TENM2: variants seen among roughly 807,000 people sequenced by gnomAD.
TENM2 encodes teneurin-2.
Under a neutral mutation model 245.2 loss-of-function variants are expected in TENM2, and 52 were observed. The ratio of observed to expected loss-of-function variants is 0.21; its 90% CI spans 0.17 to 0.27. The LOEUF (loss-of-function observed/expected upper bound fraction) is 0.27, where lower values mean the gene tolerates loss of function less well. TENM2 is among the 10% of genes least tolerant of loss of function. The pLI is 1.00. For synonymous variants in TENM2, 1,363 were observed against 1,438.9 expected (o/e 0.95, Z 1.19); for missense variants, 3,046 against 3,666.8 (o/e 0.83, Z 4.37).
chr5:167,578,826 A>G (rs932999056), intron 2 of TENM2, among the ~76,000 whole-genome samples: 1 of 152,116 alleles, frequency 6.6e-6, no homozygotes, highest in Non-Finnish European at 1.5e-5. Context: ...TGTGGAGACT[A>G]CTCTAACTAT....
the TENM2 span, among the ~76,000 whole-genome samples, chr5:167,264,093 G>A: frequency 7.2e-6 from 1 of 139,558 alleles, no homozygotes; most frequent in Non-Finnish European, 1.5e-5. Flanking sequence ...CAATAATAAC[G>A]AAACTCTGTC....
At chr5:167,354,909 G>A (rs1214323015) in intron 1 of TENM2, among the ~76,000 whole-genome samples, 2 of 152,156 alleles carry the variant, frequency 1.3e-5, no homozygotes, top group Non-Finnish European at 2.9e-5. Flanking sequence ...AGCCTCAGGG[G>A]ATTAAGGACA....
chr5:167,673,185 T>A (rs974283356), intron 2 of TENM2, among the ~76,000 whole-genome samples: 1 of 152,130 alleles, frequency 6.6e-6, no homozygotes, highest in Non-Finnish European at 1.5e-5. Context: ...TAAAGTAATT[T>A]AAATTATATT....
chr5:168,182,898 G>A (rs62383456), intron 13 of TENM2, among the ~76,000 whole-genome samples: 22,009 of 146,256 alleles, frequency 0.15, 2,106 homozygotes, highest in South Asian at 0.23. Context: ...TGATGCAATT[G>A]GGCCTCACTG....
chr5:167,880,968 G>A (rs1773829842), intron 3 of TENM2, among the ~76,000 whole-genome samples: 1 of 152,148 alleles, frequency 6.6e-6, no homozygotes, highest in African/African-American at 2.4e-5. Context: ...GATTCGTCCT[G>A]ACAGCCTCAT....
intron 17 of TENM2, among the ~76,000 whole-genome samples, chr5:168,201,323 TA>T (rs1291492378): frequency 6.6e-6 from 1 of 151,970 alleles, no homozygotes; most frequent in African/African-American, 2.4e-5. Context: ...TATATACAGA[TA>T]TATATATGTA....
chr5:167,140,439 T>C, the TENM2 span, among the ~76,000 whole-genome samples: 2 of 152,322 alleles, frequency 1.3e-5, no homozygotes, highest in Middle Eastern at 3.4e-3. Flanking sequence ...TGATTACTCT[T>C]ACTGGTTTGT....
intron 2 of TENM2, among the ~76,000 whole-genome samples, chr5:167,504,757 T>C (rs1405286601): frequency 6.6e-6 from 1 of 152,194 alleles, no homozygotes; most frequent in Non-Finnish European, 1.5e-5. Flanking sequence ...TGCTTTATTT[T>C]TCCTGTTACT....
At chr5:167,218,850 T>C in the TENM2 span, among the ~76,000 whole-genome samples, 10 of 152,206 alleles carry the variant, frequency 6.6e-5, no homozygotes, top group African/African-American at 2.4e-4. Flanking sequence ...TCTTCAATAC[T>C]CATTGTGGTC....
chr5:168,168,869 A>T (rs1449513084), intron 13 of TENM2, among the ~76,000 whole-genome samples: 2 of 152,116 alleles, frequency 1.3e-5, no homozygotes, highest in Non-Finnish European at 2.9e-5. Context: ...CCATCCATCC[A>T]TCCATTCATT....
chr5:167,505,677 A>G (rs1582232441), intron 2 of TENM2, among the ~76,000 whole-genome samples: 2 of 152,142 alleles, frequency 1.3e-5, no homozygotes, highest in Non-Finnish European at 2.9e-5. Flanking sequence ...AAAAATACCC[A>G]TTTACTAAGG....
the TENM2 span, among the ~76,000 whole-genome samples, chr5:167,273,399 A>G: frequency 1.3e-5 from 2 of 152,266 alleles, no homozygotes; most frequent in Admixed American, 1.3e-4. Flanking sequence ...TACTGCTTCA[A>G]GGCAATTTTA....
intron 2 of TENM2, among the ~76,000 whole-genome samples, chr5:167,595,554 C>A (rs1776145662): frequency 6.6e-6 from 1 of 152,180 alleles, no homozygotes; most frequent in Admixed American, 6.5e-5. Context: ...AAAATACTAG[C>A]CCTCAAGTAT....
the TENM2 span, among the ~76,000 whole-genome samples, chr5:167,112,189 T>G: frequency 6.6e-6 from 1 of 152,174 alleles, no homozygotes; most frequent in Non-Finnish European, 1.5e-5. Flanking sequence ...GATGAGCCAA[T>G]GTACCCAAAA....
exon 17 of TENM2, chr5:168,200,104 A>G (rs1761802084): frequency 6.2e-7 from 1 of 1,613,698 alleles, no homozygotes; most frequent in Non-Finnish European, 8.5e-7. Context: ...GTATGGCCAA[A>G]GGGTGTATGG....
chr5:167,012,432 A>T, the TENM2 span, among the ~76,000 whole-genome samples: 3 of 152,184 alleles, frequency 2.0e-5, no homozygotes, highest in Non-Finnish European at 4.4e-5. Context: ...AAGCAAGATA[A>T]TTTCAAATAG....
chr5:167,944,115 C>A (rs373792999), intron 3 of TENM2, among the ~76,000 whole-genome samples: 1 of 152,206 alleles, frequency 6.6e-6, no homozygotes, highest in East Asian at 1.9e-4. Flanking sequence ...GTGGCACCTA[C>A]GATTAAAATC....
At chr5:167,146,611 A>T in the TENM2 span, among the ~76,000 whole-genome samples, 1 of 152,092 alleles carries the variant, frequency 6.6e-6, no homozygotes, top group East Asian at 1.9e-4. Flanking sequence ...ATACTTACCA[A>T]CTCAGATGAT....
At chr5:167,740,292 C>G (rs1346795594) in intron 2 of TENM2, among the ~76,000 whole-genome samples, 4 of 152,136 alleles carry the variant, frequency 2.6e-5, no homozygotes, top group African/African-American at 9.7e-5. Flanking sequence ...GAAACGTGCC[C>G]AAATCACTGT....
Sources: gnomAD v4.1 joint callset for allele counts (sites outside exome capture counted in the v4.1 genomes callset) on GRCh38, gnomAD v4.1.1 for gene constraint, MANE v1.5 for transcripts, NCBI Gene and HGNC (gene_info 2026-07-23, HGNC 2026-07-21) for gene names.